Variants in CNTN5 observed in about 807,000 individuals in gnomAD.
CNTN5 encodes the protein contactin 5, also known as contactin-5.
CNTN5 carries 77 observed loss-of-function variants against 129.1 expected under a neutral mutation model. The observed-to-expected ratio is 0.60, with a 90% CI of 0.50 to 0.72. The LOEUF (loss-of-function observed/expected upper bound fraction) is 0.72. CNTN5 is among the 30% of genes least tolerant of loss of function. The probability of loss-of-function intolerance (pLI) is 0.00; values close to 1 mark genes in which losing one functional copy is unlikely to be tolerated. For synonymous variants in CNTN5, 509 were observed against 465.6 expected (o/e 1.09, Z -1.20); for missense variants, 1,478 against 1,328.8 (o/e 1.11, Z -1.75).
chr11:99,357,286 A>C (rs1938744283), intron 2 of CNTN5, among the ~76,000 whole-genome samples: 1 of 152,160 alleles, frequency 6.6e-6, no homozygotes, highest in South Asian at 2.1e-4. Flanking sequence ...CCTAGTATTC[A>C]ATATAGCCAC....
chr11:100,027,901 G>C (rs543569337), intron 9 of CNTN5, among the ~76,000 whole-genome samples: 49 of 152,230 alleles, frequency 3.2e-4, no homozygotes, highest in African/African-American at 1.1e-3. Context: ...CATGTATTTT[G>C]TGTAGTATTT....
intron 1 of CNTN5, among the ~76,000 whole-genome samples, chr11:99,172,396 A>G (rs149902095): frequency 2.0e-5 from 3 of 152,182 alleles, no homozygotes; most frequent in Non-Finnish European, 2.9e-5. Context: ...GTTTAATTAA[A>G]TTAATCTTTT....
chr11:99,796,798 G>A (rs1172007370), intron 3 of CNTN5, among the ~76,000 whole-genome samples: 1 of 152,066 alleles, frequency 6.6e-6, no homozygotes, highest in African/African-American at 2.4e-5. Context: ...AGACACTCCT[G>A]TGCCAAATCC....
chr11:99,340,160 T>C (rs1309116063), intron 2 of CNTN5, among the ~76,000 whole-genome samples: 3 of 152,182 alleles, frequency 2.0e-5, no homozygotes, highest in Non-Finnish European at 4.4e-5. Flanking sequence ...ACAAGATTCT[T>C]CTTGTTGAGA....
At chr11:99,321,678 C>G (rs1040369538) in intron 1 of CNTN5, among the ~76,000 whole-genome samples, 1 of 152,098 alleles carries the variant, frequency 6.6e-6, no homozygotes, top group African/African-American at 2.4e-5. Context: ...TGCTTTGATT[C>G]TACTCAAAAG....
intron 2 of CNTN5, among the ~76,000 whole-genome samples, chr11:99,516,094 G>A (rs571397228): frequency 1.3e-5 from 2 of 151,414 alleles, no homozygotes; most frequent in African/African-American, 4.8e-5. Context: ...TCGGCTATAT[G>A]CAATACCATA....
At chr11:99,056,033 C>T (rs1404685013) in intron 1 of CNTN5, among the ~76,000 whole-genome samples, 2 of 151,952 alleles carry the variant, frequency 1.3e-5, no homozygotes, top group Non-Finnish European at 2.9e-5. Context: ...TTTCTCATTG[C>T]AGTATTTTCC....
chr11:99,268,802 T>C (rs1435941786), intron 1 of CNTN5, among the ~76,000 whole-genome samples: 2 of 152,036 alleles, frequency 1.3e-5, no homozygotes, highest in Non-Finnish European at 2.9e-5. Flanking sequence ...CTAATGATTG[T>C]CTAATTCCTT....
chr11:99,944,287 A>T (rs1565705039), intron 7 of CNTN5, among the ~76,000 whole-genome samples: 1 of 152,090 alleles, frequency 6.6e-6, no homozygotes, highest in Non-Finnish European at 1.5e-5. Flanking sequence ...AAGAGCAAAC[A>T]AATTCAAAAG....
At chr11:99,670,878 T>C (rs1442720073) in intron 3 of CNTN5, among the ~76,000 whole-genome samples, 2 of 152,180 alleles carry the variant, frequency 1.3e-5, no homozygotes, top group Non-Finnish European at 1.5e-5. Context: ...CAGTGCCTAC[T>C]TGATAGTTTA....
chr11:99,987,097 T>C (rs1473374814), intron 8 of CNTN5, among the ~76,000 whole-genome samples: 1 of 152,032 alleles, frequency 6.6e-6, no homozygotes, highest in East Asian at 1.9e-4. Flanking sequence ...AACACAAACA[T>C]TGAAATACAA....
intron 3 of CNTN5, among the ~76,000 whole-genome samples, chr11:99,815,049 CT>C (rs900764451): frequency 5.9e-5 from 9 of 151,976 alleles, no homozygotes; most frequent in African/African-American, 1.9e-4. Context: ...AACTGCCCCC[CT>C]GACTCATTTA....
chr11:99,476,086 C>CA (rs397761191), intron 2 of CNTN5, among the ~76,000 whole-genome samples: 13 of 151,336 alleles, frequency 8.6e-5, no homozygotes, highest in African/African-American at 3.1e-4. Context: ...TTTTTTCCCC[C>CA]AAAGAAAGGA....
chr11:99,329,229 C>T (rs931859002), intron 2 of CNTN5, among the ~76,000 whole-genome samples: 1 of 152,108 alleles, frequency 6.6e-6, no homozygotes, highest in African/African-American at 2.4e-5. Flanking sequence ...TGTAACAGAT[C>T]ATATAGGCTT....
chr11:99,550,795 C>T (rs769982151), intron 2 of CNTN5, among the ~76,000 whole-genome samples: 5 of 152,104 alleles, frequency 3.3e-5, no homozygotes, highest in African/African-American at 1.2e-4. Flanking sequence ...TTATTCACTG[C>T]CACTTTTTCA....
At chr11:100,138,237 C>T (rs902868421) in intron 13 of CNTN5, among the ~76,000 whole-genome samples, 1 of 132,286 alleles carries the variant, frequency 7.6e-6, no homozygotes, top group South Asian at 2.5e-4. Flanking sequence ...GATATATAGT[C>T]CTGGCACTAA....
At chr11:99,595,110 A>G (rs1252210894) in intron 3 of CNTN5, among the ~76,000 whole-genome samples, 1 of 152,120 alleles carries the variant, frequency 6.6e-6, no homozygotes, top group Non-Finnish European at 1.5e-5. Flanking sequence ...GTACAAAGTT[A>G]GTTAGATGGG....
chr11:99,737,369 C>T (rs1325642758), intron 3 of CNTN5, among the ~76,000 whole-genome samples: 1 of 152,146 alleles, frequency 6.6e-6, no homozygotes, highest in Non-Finnish European at 1.5e-5. Flanking sequence ...TGTTACATTA[C>T]TGTTGATAAA....
At chr11:100,104,391 C>T (rs1945344326) in intron 13 of CNTN5, among the ~76,000 whole-genome samples, 1 of 151,930 alleles carries the variant, frequency 6.6e-6, no homozygotes, top group African/African-American at 2.4e-5. Flanking sequence ...GATAAGGTCA[C>T]TTTTTAAAAA....
Sources: gnomAD v4.1 joint callset for allele counts (sites outside exome capture counted in the v4.1 genomes callset) on GRCh38, gnomAD v4.1.1 for gene constraint, MANE v1.5 for transcripts, NCBI Gene and HGNC (gene_info 2026-07-23, HGNC 2026-07-21) for gene names.